Variants in MYO16 observed in about 807,000 individuals in gnomAD.
The protein encoded by MYO16 is myosin XVI, also known as unconventional myosin-XVI.
MYO16 carries 94 observed loss-of-function variants against 205.3 expected under a neutral mutation model. The ratio of observed to expected loss-of-function variants is 0.46; its 90% CI spans 0.39 to 0.54. The LOEUF is 0.54. MYO16 is among the 20% of genes least tolerant of loss of function. The pLI is 0.00. For synonymous variants in MYO16, 988 were observed against 954.0 expected, an observed-to-expected ratio of 1.04 and a Z score of -0.66; for missense variants, 2,315 against 2,387.5, an observed-to-expected ratio of 0.97 and a Z score of 0.63.
At chr13:108,989,725 A>G (rs1165249408) in intron 20 of MYO16, among the ~76,000 whole-genome samples, 1 of 152,298 alleles carries the variant, frequency 6.6e-6, no homozygotes, top group East Asian at 1.9e-4. Context: ...AAGCTTTATA[A>G]CTAAATTGTT....
intron 4 of MYO16, among the ~76,000 whole-genome samples, chr13:108,770,245 A>G (rs1482917315): frequency 6.6e-6 from 1 of 152,236 alleles, no homozygotes; most frequent in Non-Finnish European, 1.5e-5. Context: ...CACATAAAAA[A>G]TAAACTCATT....
rs540943662 is a variant in MYO16 at position 109,125,467 on chromosome 13, G to A, written c.3782+109G>A. The A allele has an allele frequency of 4.3e-6, 6 of 1,403,800 alleles. No homozygotes were observed. Among genetic ancestry groups the A allele is most frequent in the East Asian group, 2.4e-5 (1 of 41,478 alleles). 87.0% of individuals were successfully genotyped at this position (1,403,800 alleles called of 1,614,324 possible). A position where few individuals can be genotyped will look rare whatever the true frequency, so the allele number is the denominator to read the frequency against. Reference sequence around the variant, plus strand: ...AGTTCAATCAAATATGACAGGAGTTGCAGGAACAGGCATGCGTGGTTTGTT... The same window carrying A: ...AGTTCAATCAAATATGACAGGAGTTACAGGAACAGGCATGCGTGGTTTGTT... On this transcript the variant is annotated intron_variant, in intron 30 of 34. Coordinates refer to ENST00000457511, the MANE Select transcript of MYO16 (RefSeq NM_001198950.3). The surrounding 1 kb of genome is among the most constrained non-coding windows in gnomAD (Gnocchi z 4.0).
intron 3 of MYO16, among the ~76,000 whole-genome samples, chr13:108,716,208 G>C (rs996122341): frequency 3.9e-5 from 6 of 152,188 alleles, no homozygotes; most frequent in African/African-American, 4.8e-5. Context: ...AAGGATATAA[G>C]GGTCTCTTTG....
At chr13:108,495,956 C>G in the MYO16 span, among the ~76,000 whole-genome samples, 1 of 152,046 alleles carries the variant, frequency 6.6e-6, no homozygotes, top group Admixed American at 6.5e-5. Flanking sequence ...TGCGCGCGGT[C>G]CAAGCGCGGG....
intron 22 of MYO16, among the ~76,000 whole-genome samples, chr13:109,013,428 G>C (rs907413699): frequency 2.6e-5 from 4 of 152,128 alleles, no homozygotes; most frequent in African/African-American, 9.7e-5. Context: ...ATAAACATAC[G>C]TGTGCATGTG....
chr13:109,178,418 C>T (rs1879313542), intron 33 of MYO16, among the ~76,000 whole-genome samples: 1 of 152,128 alleles, frequency 6.6e-6, no homozygotes, highest in Non-Finnish European at 1.5e-5. Context: ...TGTCGACTTC[C>T]CTGAGGAACT....
At chr13:109,071,715 T>C (rs987925630) in intron 27 of MYO16, among the ~76,000 whole-genome samples, 1 of 152,126 alleles carries the variant, frequency 6.6e-6, no homozygotes, top group African/African-American at 2.4e-5. Flanking sequence ...ACCTATACTT[T>C]TTTTTAATTA....
At chr13:109,056,331 A>C (rs981350874) in intron 27 of MYO16, among the ~76,000 whole-genome samples, 2 of 152,126 alleles carry the variant, frequency 1.3e-5, no homozygotes, top group Non-Finnish European at 2.9e-5. Context: ...TGCAAGAAGC[A>C]CCTAAACTCA....
intron 32 of MYO16, among the ~76,000 whole-genome samples, chr13:109,145,232 G>A (rs545562965): frequency 6.6e-6 from 1 of 152,166 alleles, no homozygotes; most frequent in Non-Finnish European, 1.5e-5. Flanking sequence ...CTGGGGCACA[G>A]GGAGATTAAT....
At chr13:109,038,012 C>T (rs992638202) in intron 23 of MYO16, among the ~76,000 whole-genome samples, 9 of 152,074 alleles carry the variant, frequency 5.9e-5, no homozygotes, top group Non-Finnish European at 1.2e-4. Flanking sequence ...GTAGGGAGTA[C>T]AATGGGGAAA....
chr13:108,868,139 T>C (rs953802764), intron 12 of MYO16, among the ~76,000 whole-genome samples: 3 of 152,316 alleles, frequency 2.0e-5, no homozygotes, highest in African/African-American at 7.2e-5. Flanking sequence ...TTTTTTTTGA[T>C]AACATATGTA....
intron 4 of MYO16, among the ~76,000 whole-genome samples, chr13:108,767,854 T>G (rs1463567425): frequency 2.0e-5 from 3 of 152,210 alleles, no homozygotes; most frequent in African/African-American, 7.2e-5. Context: ...GGTTCATGAT[T>G]GTCTTTGCAA....
chr13:108,785,730 T>C lies in MYO16; in HGVS notation c.603T>C (p.Tyr201=), dbSNP rs1886438302. Residue 201 remains tyrosine (Y), a synonymous_variant, in exon 5 of 35, where the codon TAT becomes TAC. Transcript: ENST00000457511. ...AATCCAGCTCTATCCTGTTGACCTATCTGGATGAAAATGGTAGGCAAAAAC... is the reference window on the plus strand; with the variant it reads ...AATCCAGCTCTATCCTGTTGACCTACCTGGATGAAAATGGTAGGCAAAAAC... ...GTESSSILLT[Y]LDENGVDLTS... is the part of the protein sequence containing the mutation. The C allele has an allele frequency of 6.2e-7, 1 of 1,603,318 alleles. No homozygotes were observed. Among genetic ancestry groups the C allele is most frequent in the Non-Finnish European group, 8.5e-7 (1 of 1,174,100 alleles).
intron 4 of MYO16, among the ~76,000 whole-genome samples, chr13:108,763,785 A>AG (rs1360272791): frequency 5.5e-5 from 6 of 109,414 alleles, no homozygotes; most frequent in East Asian, 3.3e-4. Flanking sequence ...AGAGAAAAGG[A>AG]GTTGTGTGTG....
intron 20 of MYO16, among the ~76,000 whole-genome samples, chr13:108,967,958 A>G (rs2139381471): frequency 6.6e-6 from 1 of 152,280 alleles, no homozygotes; most frequent in South Asian, 2.1e-4. Flanking sequence ...TCATTTTCTG[A>G]GGCATTTCTT....
At chr13:108,954,487 T>A (rs961206074) in intron 16 of MYO16, among the ~76,000 whole-genome samples, 2 of 152,186 alleles carry the variant, frequency 1.3e-5, no homozygotes, top group Non-Finnish European at 2.9e-5. Context: ...ACACCTGTAA[T>A]TCCAGCACTT....
chr13:109,174,393 G>T (rs1879068372), intron 33 of MYO16, among the ~76,000 whole-genome samples: 1 of 151,996 alleles, frequency 6.6e-6, no homozygotes, highest in African/African-American at 2.4e-5. Flanking sequence ...TAGCATCAGA[G>T]GAACAATCAT....
intron 21 of MYO16, among the ~76,000 whole-genome samples, chr13:109,006,582 T>C (rs12866614): frequency 0.079 from 12,007 of 152,224 alleles, 512 homozygotes; most frequent in Non-Finnish European, 0.093. Flanking sequence ...CATTTCTTTA[T>C]ATTAATACAG....
intron 4 of MYO16, among the ~76,000 whole-genome samples, chr13:108,756,258 CA>C (rs1250059866): frequency 6.6e-6 from 1 of 151,964 alleles, no homozygotes; most frequent in African/African-American, 2.4e-5. Flanking sequence ...GCATACAATT[CA>C]AAAAGATGTA....
Sources: gnomAD v4.1 joint callset for allele counts (sites outside exome capture counted in the v4.1 genomes callset) on GRCh38, gnomAD v4.1.1 for gene constraint, Gnocchi (gnomAD v3.1) non-coding constraint, MANE v1.5 for transcripts, NCBI Gene and HGNC (gene_info 2026-07-23, HGNC 2026-07-21) for gene names.